Variants in RASSF3 observed in about 807,000 individuals in gnomAD.
RASSF3 encodes Ras association domain family member 3.
Under a neutral mutation model 19.9 loss-of-function variants are expected in RASSF3, and 19 were observed. That is an observed-to-expected ratio of 0.96 (90% CI 0.67 to 1.40). The LOEUF (loss-of-function observed/expected upper bound fraction) is 1.40. Among genes scored for constraint, RASSF3 ranks in the 40% most tolerant of loss-of-function variants. RASSF3 has a pLI of 0.00. For missense variants in RASSF3, 306 were observed against 289.8 expected (o/e 1.06, Z -0.41); for synonymous variants, 110 against 104.2 (o/e 1.06, Z -0.34).
chr12:64,577,984 C>T (rs1716488), intron 2 of RASSF3, among the ~76,000 whole-genome samples: 79,102 of 151,474 alleles, frequency 0.52, 21,014 homozygotes, highest in Non-Finnish European at 0.56. Flanking sequence ...TTTGGGAGGC[C>T]GAGGTGGGCA....
At chr12:64,605,251 G>T (rs1870170223) in intron 2 of RASSF3, among the ~76,000 whole-genome samples, 1 of 152,000 alleles carries the variant, frequency 6.6e-6, no homozygotes, top group Non-Finnish European at 1.5e-5. Flanking sequence ...CTCCCAAAGT[G>T]CTGGGATTAC....
At chr12:64,510,984 A>G (rs1454971315) in intron 1 of RASSF3, among the ~76,000 whole-genome samples, 2 of 152,230 alleles carry the variant, frequency 1.3e-5, no homozygotes, top group Non-Finnish European at 2.9e-5. Flanking sequence ...ACTTTGAGCA[A>G]GTCACTTAGA....
At chr12:64,604,047 CA>C (rs1185869590) in intron 2 of RASSF3, among the ~76,000 whole-genome samples, 5 of 151,806 alleles carry the variant, frequency 3.3e-5, no homozygotes, top group African/African-American at 9.7e-5. Flanking sequence ...GGGGTTTCAC[CA>C]TGTGGGCCAG....
intron 1 of RASSF3, among the ~76,000 whole-genome samples, chr12:64,613,155 T>C (rs1046795446): frequency 4.6e-5 from 7 of 152,304 alleles, no homozygotes; most frequent in African/African-American, 1.7e-4. Context: ...ATCATAAATA[T>C]AAAGCAAAAC....
chr12:64,648,049 T>A (rs1392938565), intron 1 of RASSF3, among the ~76,000 whole-genome samples: 1 of 152,202 alleles, frequency 6.6e-6, no homozygotes, highest in Non-Finnish European at 1.5e-5. Context: ...TAGCAGAAGA[T>A]GTTTGAGCTG....
intron 1 of RASSF3, among the ~76,000 whole-genome samples, chr12:64,631,137 C>A (rs540775881): frequency 1.4e-4 from 22 of 152,104 alleles, no homozygotes; most frequent in Non-Finnish European, 2.4e-4. Context: ...AGCATGGGGG[C>A]ACCAGCAGGT....
intron 1 of RASSF3, among the ~76,000 whole-genome samples, chr12:64,672,716 T>A (rs1330241143): frequency 6.6e-6 from 1 of 152,122 alleles, no homozygotes; most frequent in Non-Finnish European, 1.5e-5. Flanking sequence ...AGGCTCTTGC[T>A]GTGTTGCCCA....
chr12:64,543,530 C>CCCT (rs1555208327), downstream of RASSF3, among the ~76,000 whole-genome samples: 1 of 62,088 alleles, frequency 1.6e-5, no homozygotes, highest in East Asian at 1.5e-3. Flanking sequence ...CCCCGCTCTC[C>CCCT]CCCGCCCCCC....
chr12:64,650,714 C>T (rs1001711712), intron 1 of RASSF3, among the ~76,000 whole-genome samples: 2 of 151,976 alleles, frequency 1.3e-5, no homozygotes, highest in East Asian at 1.9e-4. Context: ...CGCGCCTGGC[C>T]GAGTTGTTTA....
chr12:64,574,167 C>T (rs1286092896), intron 2 of RASSF3, among the ~76,000 whole-genome samples: 9 of 151,416 alleles, frequency 5.9e-5, no homozygotes, highest in Non-Finnish European at 8.8e-5. Flanking sequence ...AAAAATTAGC[C>T]GGGTGTGATG....
Position 64,617,705 on chromosome 12 carries a change from G to A in RASSF3, c.111+6962G>A, listed in dbSNP as rs1337043017. Among the ~76,000 whole-genome samples, 4 of 151,966 alleles carry A rather than the reference G, an allele frequency of 2.6e-5. No individual in the cohort carries two copies. The East Asian group carries it at 7.7e-4, about 29-fold the overall frequency. ...CCCCAGTAGCTGGGATTACAGGTGCGTGCCACCACATGGGGCTAATTTTTT... is the reference window on the plus strand; with the variant it reads ...CCCCAGTAGCTGGGATTACAGGTGCATGCCACCACATGGGGCTAATTTTTT... On this transcript the variant is annotated intron_variant, in intron 1 of 4. Transcript: ENST00000542104.
chr12:64,530,094 C>A (rs557589368), upstream of RASSF3, among the ~76,000 whole-genome samples: 1 of 152,278 alleles, frequency 6.6e-6, no homozygotes, highest in African/African-American at 2.4e-5. Flanking sequence ...TGTAATCCTT[C>A]TTGTTCACTC....
intron 2 of RASSF3, among the ~76,000 whole-genome samples, chr12:64,686,339 G>A (rs1424888649): frequency 6.6e-6 from 1 of 151,980 alleles, no homozygotes; most frequent in Non-Finnish European, 1.5e-5. Context: ...TCAAGAGTTC[G>A]ACGGTGGCTC....
At chr12:64,555,622 G>A (rs984916741) in intron 2 of RASSF3, among the ~76,000 whole-genome samples, 1 of 151,678 alleles carries the variant, frequency 6.6e-6, no homozygotes, top group East Asian at 2.0e-4. Flanking sequence ...GGTGGCGGGC[G>A]CTTATAGTCC....
rs186677292 is a variant in RASSF3, at chr12:64,596,459, A to G, written c.294+54754A>G. Among the ~76,000 whole-genome samples the G allele has an allele frequency of 2.4e-3, 373 of 152,296 alleles. 2 individuals carry two copies. The highest frequency in any genetic ancestry group is 8.5e-3 in the African/African-American group (353 of 41,564). On this transcript the variant is annotated intron_variant, in intron 2 of 5. Coordinates refer to the RASSF3 transcript ENST00000637125. ...TTTGGCTCACAGTTCTGCAGGCTGTACAAGCATGGCACCAGTGATGTTCAA... is the reference window on the plus strand; with the variant it reads ...TTTGGCTCACAGTTCTGCAGGCTGTGCAAGCATGGCACCAGTGATGTTCAA...
At chr12:64,654,997 TTTAC>T (rs771538475) in intron 1 of RASSF3, 1 of 152,236 alleles carries the variant, frequency 6.6e-6, no homozygotes, top group Non-Finnish European at 1.5e-5. Context: ...TATGCTGTGA[TTTAC>T]TGACTATCAA....
chr12:64,645,437 CT>C (rs1207867962), intron 1 of RASSF3, among the ~76,000 whole-genome samples: 1 of 152,058 alleles, frequency 6.6e-6, no homozygotes, highest in Non-Finnish European at 1.5e-5. Context: ...CTTTGGGAGG[CT>C]GAGGTGGGAG....
At chr12:64,584,235 A>C (rs1312050366) in intron 2 of RASSF3, among the ~76,000 whole-genome samples, 1 of 152,232 alleles carries the variant, frequency 6.6e-6, no homozygotes, top group Admixed American at 6.5e-5. Flanking sequence ...AGAAATCTCC[A>C]CTTTATGGAA....
chr12:64,577,708 G>C (rs889602210), intron 2 of RASSF3, among the ~76,000 whole-genome samples: 2 of 152,012 alleles, frequency 1.3e-5, no homozygotes, highest in African/African-American at 2.4e-5. Flanking sequence ...CTTCAGCCTG[G>C]GTAACAGAGC....
Sources: gnomAD v4.1 joint callset for allele counts (sites outside exome capture counted in the v4.1 genomes callset) on GRCh38, gnomAD v4.1.1 for gene constraint, MANE v1.5 for transcripts, NCBI Gene and HGNC (gene_info 2026-07-23, HGNC 2026-07-21) for gene names.